The following CRYBG3 variants were observed in gnomAD, a reference collection of about 807,000 sequenced individuals.
The protein encoded by CRYBG3 is crystallin beta-gamma domain containing 3, also known as very large A-kinase anchor protein.
A neutral mutation model predicts 244.2 loss-of-function variants in CRYBG3; 127 were observed. The ratio of observed to expected loss-of-function variants is 0.52; its 90% CI spans 0.45 to 0.60. The LOEUF (loss-of-function observed/expected upper bound fraction) is 0.60. Among genes scored for constraint, CRYBG3 ranks in the 20% least tolerant of loss-of-function variants. The pLI, the probability that CRYBG3 is intolerant of heterozygous loss-of-function variation, is 0.00. For synonymous variants in CRYBG3, 1,132 were observed against 1,195.8 expected (o/e 0.95, Z 1.10); for missense variants, 3,325 against 3,442.5 (o/e 0.97, Z 0.85).
At chr3:97,829,845 A>G (rs1210868615) in intron 1 of CRYBG3, among the ~76,000 whole-genome samples, 1 of 152,174 alleles carries the variant, frequency 6.6e-6, no homozygotes, top group East Asian at 1.9e-4. Context: ...AATAAGTACC[A>G]AGGTAACATG....
intron 17 of CRYBG3, among the ~76,000 whole-genome samples, chr3:97,924,862 T>G (rs1340105079): frequency 6.6e-6 from 1 of 152,114 alleles, no homozygotes; most frequent in Non-Finnish European, 1.5e-5. Context: ...TTCACCATAT[T>G]CACAGGTTCT....
chr3:97,887,070 T>A (rs1484623822), intron 8 of CRYBG3, among the ~76,000 whole-genome samples: 1 of 152,206 alleles, frequency 6.6e-6, no homozygotes, highest in Non-Finnish European at 1.5e-5. Context: ...CCTGAACTAT[T>A]TCTAGAGTGT....
chr3:97,910,719 C>G (rs952773323), intron 15 of CRYBG3, among the ~76,000 whole-genome samples: 1 of 152,220 alleles, frequency 6.6e-6, no homozygotes, highest in Admixed American at 6.5e-5. Flanking sequence ...GCGTCACTCA[C>G]GCTGGGAGCT....
Position 97,864,625 on chromosome 3 carries a change from C to A in CRYBG3, c.625C>A (p.Gln209Lys). The change falls in exon 3 of 22, where the codon CAA (glutamine) becomes AAA (lysine). Residue 209 changes from glutamine to lysine, a missense_variant. Physicochemically the swap from Gln to Lys is moderately conservative, Grantham distance 53. Coordinates refer to ENST00000389622, the MANE Select transcript of CRYBG3 (RefSeq NM_153605.4). Reference sequence around the variant, plus strand: ...TTTGGATACAACACAAGACAGTGACCAAGAAACCACTAATTTGCTAAAGTA... The same window carrying A: ...TTTGGATACAACACAAGACAGTGACAAAGAAACCACTAATTTGCTAAAGTA... ...FSLDTTQDSDQETTNLLKQID... is the reference protein window; with the variant it reads ...FSLDTTQDSDKETTNLLKQID... 1 of 1,517,518 alleles carries A rather than the reference C, an allele frequency of 6.6e-7. No homozygotes were observed. Among genetic ancestry groups the A allele is most frequent in the Non-Finnish European group, 8.8e-7 (1 of 1,139,056 alleles). 94.0% of individuals were successfully genotyped at this position (1,517,518 alleles called of 1,614,324 possible). A position where few individuals can be genotyped will look rare whatever the true frequency, so the allele number is the denominator to read the frequency against.
intron 17 of CRYBG3, among the ~76,000 whole-genome samples, chr3:97,924,645 T>G (rs1317557644): frequency 6.6e-6 from 1 of 152,108 alleles, no homozygotes; most frequent in Non-Finnish European, 1.5e-5. Flanking sequence ...CCTTAACTCA[T>G]GACCTTCTTT....
chr3:97,831,585 A>C (rs2038654331), intron 1 of CRYBG3, among the ~76,000 whole-genome samples: 1 of 152,244 alleles, frequency 6.6e-6, no homozygotes, highest in Middle Eastern at 3.4e-3. Flanking sequence ...TTGATACATA[A>C]TTATTGTACT....
At chr3:97,841,011 GA>G in intron 1 of CRYBG3, among the ~76,000 whole-genome samples, 1 of 151,584 alleles carries the variant, frequency 6.6e-6, no homozygotes. Flanking sequence ...TAGTAAAATA[GA>G]AAAAAAGAGA....
intron 7 of CRYBG3, among the ~76,000 whole-genome samples, chr3:97,886,322 ACT>A (rs1361435832): frequency 2.6e-5 from 4 of 152,154 alleles, no homozygotes; most frequent in African/African-American, 9.7e-5. Context: ...TAGTTTGGTA[ACT>A]CTGAAATCTG....
chr3:97,903,329 T>G (rs2039726495), intron 15 of CRYBG3, among the ~76,000 whole-genome samples: 1 of 152,170 alleles, frequency 6.6e-6, no homozygotes, highest in Non-Finnish European at 1.5e-5. Flanking sequence ...TGTGGCACTT[T>G]AACCAGATCA....
At chr3:97,882,690 C>T (rs544333662) in intron 7 of CRYBG3, among the ~76,000 whole-genome samples, 4 of 152,088 alleles carry the variant, frequency 2.6e-5, no homozygotes, top group Non-Finnish European at 5.9e-5. Flanking sequence ...CATTTATATA[C>T]ATAAAAAGTA....
chr3:97,935,977 GT>G (rs1202098897), intron 18 of CRYBG3, among the ~76,000 whole-genome samples: 1 of 152,000 alleles, frequency 6.6e-6, no homozygotes, highest in African/African-American at 2.4e-5. Flanking sequence ...AGAATTTCAG[GT>G]GCTCTTAGTG....
intron 17 of CRYBG3, among the ~76,000 whole-genome samples, chr3:97,925,950 A>G (rs937282780): frequency 1.3e-5 from 2 of 152,030 alleles, no homozygotes; most frequent in Admixed American, 1.3e-4. Context: ...GAAGGATTAT[A>G]GTTTACTGGT....
At chr3:97,907,402 T>G (rs1233679608) in intron 15 of CRYBG3, among the ~76,000 whole-genome samples, 9 of 151,982 alleles carry the variant, frequency 5.9e-5, no homozygotes, top group Non-Finnish European at 1.0e-4. Context: ...GGTAATCTAT[T>G]GATTATTGCC....
chr3:97,942,976 C>T (rs755358888), intron 21 of CRYBG3: 3 of 404,078 alleles, frequency 7.4e-6, no homozygotes, highest in African/African-American at 2.1e-5. Flanking sequence ...TCTAAAGAAT[C>T]ACATTAAGGC....
chr3:97,888,143 A>G (rs2039531024), intron 8 of CRYBG3, among the ~76,000 whole-genome samples, 198 bp from the exon 9 acceptor site: 1 of 152,214 alleles, frequency 6.6e-6, no homozygotes, highest in Non-Finnish European at 1.5e-5. Flanking sequence ...AGCTTATTAT[A>G]GGATGGATAA....
chr3:97,888,447 C>T lies in CRYBG3; in HGVS notation c.7396C>T (p.Leu2466Phe). The T allele has an allele frequency of 1.3e-6, 2 of 1,584,910 alleles. No homozygotes were observed. Among genetic ancestry groups the T allele is most frequent in the Non-Finnish European group, 1.7e-6 (2 of 1,153,774 alleles). Residue 2466 changes from leucine to phenylalanine, a missense_variant, in exon 9 of 22, where the codon CTT (leucine) becomes TTT (phenylalanine). Physicochemically the swap from Leu to Phe is conservative, Grantham distance 22 (BLOSUM62 0). Around this residue, in one of 4 missense-constraint regions of CRYBG3, gnomAD observed 714 missense variants for 803.6 expected, o/e 0.89. Coordinates refer to ENST00000389622, the MANE Select transcript of CRYBG3 (RefSeq NM_153605.4). ...STAEMKSLHP[L>F]QMGGLKVEMP... ...AGCAGAAATGAAATCATTACATCCG[C>T]TTCAAATGGTAAGCAAATTTAAAAA... is the stretch of plus-strand genomic sequence containing the variant.
intron 7 of CRYBG3, among the ~76,000 whole-genome samples, chr3:97,886,015 T>C (rs911529049): frequency 2.6e-5 from 4 of 152,046 alleles, no homozygotes; most frequent in African/African-American, 9.7e-5. Flanking sequence ...GGACAATGGG[T>C]GCATGATTTT....
chr3:97,823,968 A>G (rs554187359), intron 1 of CRYBG3, among the ~76,000 whole-genome samples: 41 of 152,228 alleles, frequency 2.7e-4, no homozygotes, highest in African/African-American at 9.4e-4. Flanking sequence ...TATTCTCATC[A>G]TCTCCAGATT....
chr3:97,896,034 T>A lies in CRYBG3; in HGVS notation c.7650T>A (p.Asn2550Lys). ...AAGAAGGAGACTTTGAAGACAGTAA[T>A]GCTTGTGGTGCATTAAGTAGCCCTA... is the stretch of plus-strand genomic sequence containing the variant. ...LLEEGDFEDSNACGALSSPIL... is the reference protein window; with the variant it reads ...LLEEGDFEDSKACGALSSPIL... Residue 2550 changes from asparagine (N) to lysine (K), a missense_variant, in exon 12 of 22, where the codon AAT becomes AAA. Physicochemically the swap from Asn to Lys is moderately conservative, Grantham distance 94. Transcript: ENST00000389622. 6.2e-7 allele frequency: 1 copy of A among 1,613,672 alleles called. No homozygotes were observed. Among genetic ancestry groups the A allele is most frequent in the Non-Finnish European group, 8.5e-7 (1 of 1,179,684 alleles).
Sources: gnomAD v4.1 joint callset for allele counts (sites outside exome capture counted in the v4.1 genomes callset) on GRCh38, gnomAD v4.1.1 for gene constraint, gnomAD v4.1.1 regional missense constraint, MANE v1.5 for transcripts, NCBI Gene and HGNC (gene_info 2026-07-23, HGNC 2026-07-21) for gene names.